Variants in ERC2 observed in about 807,000 individuals in gnomAD.
ERC2 encodes the protein ELKS/RAB6-interacting/CAST family member 2.
ERC2 carries 42 observed loss-of-function variants against 114.8 expected under a neutral mutation model. The observed-to-expected ratio is 0.37, with a 90% CI of 0.29 to 0.47. The LOEUF (loss-of-function observed/expected upper bound fraction) is 0.47. Ranked by LOEUF, ERC2 falls within the 20% of genes least tolerant of loss-of-function variation. The probability of loss-of-function intolerance (pLI) is 0.99; values close to 1 mark genes in which losing one functional copy is unlikely to be tolerated. For missense variants in ERC2, 939 were observed against 1,150.7 expected (o/e 0.82, Z 2.66); for synonymous variants, 454 against 425.5 (o/e 1.07, Z -0.82).
At chr3:55,535,914 G>A (rs188699918) in intron 17 of ERC2, among the ~76,000 whole-genome samples, 1 of 152,094 alleles carries the variant, frequency 6.6e-6, no homozygotes, top group Non-Finnish European at 1.5e-5. Context: ...AGGGAGAATT[G>A]CTTGAACCTG....
intron 14 of ERC2, among the ~76,000 whole-genome samples, chr3:55,747,207 A>C (rs1397954147): frequency 1.3e-5 from 2 of 152,196 alleles, no homozygotes; most frequent in Non-Finnish European, 2.9e-5. Context: ...TCTTTGACTA[A>C]AGTCTAGTTT....
Position 56,340,533 on chromosome 3 carries a change from A to T in ERC2, c.658-44098T>A, listed in dbSNP as rs1262398219. 4.6e-3 allele frequency among the ~76,000 whole-genome samples: 541 copies of T among 117,950 alleles called. 5 individuals are homozygous for T. The highest frequency in any genetic ancestry group is 0.016 in the African/African-American group (510 of 32,280). The allele number at this position is 117,950 out of a possible 152,430, so 77.4% of individuals were successfully genotyped here. ...GTGTGTTTGTGTGTGAGAGAGAGAG[A>T]GAGAGTGAATGTGTGTGTGTGTGTG... On this transcript the variant is annotated intron_variant, in intron 2 of 17. Coordinates refer to ENST00000288221, the MANE Select transcript of ERC2 (RefSeq NM_015576.3).
chr3:56,177,414 G>A (rs748900767), intron 3 of ERC2, among the ~76,000 whole-genome samples: 3 of 152,140 alleles, frequency 2.0e-5, no homozygotes, highest in Non-Finnish European at 4.4e-5. Context: ...TCTCATATAG[G>A]TATGACTGAG....
At chr3:55,694,592 T>C (rs1021255927) in intron 16 of ERC2, among the ~76,000 whole-genome samples, 2 of 152,210 alleles carry the variant, frequency 1.3e-5, no homozygotes, top group African/African-American at 4.8e-5. Context: ...CCAACACCTA[T>C]GAGCGAGTAT....
rs149624196 is a variant in ERC2 at position 56,140,208 on chromosome 3, A to G, written c.1306-532T>C. 2.7e-3 allele frequency among the ~76,000 whole-genome samples: 414 copies of G among 152,286 alleles called. 5 individuals carry two copies. Among genetic ancestry groups the G allele is most frequent in the African/African-American group, 9.6e-3 (400 of 41,564 alleles). On this transcript the variant is annotated intron_variant, in intron 5 of 17. Transcript: ENST00000288221. ...AAATATACGTGAGGTATGAGGAAAAATGACCCAAAAAATCCATAATTCAAT... is the reference window on the plus strand; with the variant it reads ...AAATATACGTGAGGTATGAGGAAAAGTGACCCAAAAAATCCATAATTCAAT...
chr3:55,537,774 A>G (rs2054095254), intron 17 of ERC2, among the ~76,000 whole-genome samples: 1 of 150,208 alleles, frequency 6.7e-6, no homozygotes, highest in Admixed American at 6.6e-5. Context: ...CATGGAGGAC[A>G]CAGGTCATGA....
intron 4 of ERC2, among the ~76,000 whole-genome samples, chr3:56,165,149 AC>A (rs1024400993): frequency 6.6e-6 from 1 of 150,820 alleles, no homozygotes; most frequent in Non-Finnish European, 1.5e-5. Context: ...GGCCCTCCCA[AC>A]CTTCACTTTT....
intron 17 of ERC2, among the ~76,000 whole-genome samples, chr3:55,593,819 C>G (rs1001623849): frequency 2.0e-5 from 3 of 152,186 alleles, no homozygotes; most frequent in Non-Finnish European, 2.9e-5. Flanking sequence ...CCATTCTCCC[C>G]TGTCTAAAAA....
At chr3:55,622,158 C>A (rs1244098744) in intron 17 of ERC2, among the ~76,000 whole-genome samples, 1 of 152,208 alleles carries the variant, frequency 6.6e-6, no homozygotes, top group African/African-American at 2.4e-5. Flanking sequence ...GCCACACTTC[C>A]CTTGGTAAAG....
intron 2 of ERC2, among the ~76,000 whole-genome samples, chr3:56,319,734 G>A (rs139902768): frequency 6.6e-6 from 1 of 152,136 alleles, no homozygotes; most frequent in African/African-American, 2.4e-5. Flanking sequence ...TACTCAAGAG[G>A]CCCAGGAAAG....
chr3:56,090,643 T>C (rs2077735583), intron 6 of ERC2, among the ~76,000 whole-genome samples: 1 of 151,928 alleles, frequency 6.6e-6, no homozygotes, highest in African/African-American at 2.4e-5. Flanking sequence ...ATATTATGAA[T>C]ACATGATATA....
At chr3:55,846,629 TCC>T (rs1473380405) in intron 14 of ERC2, among the ~76,000 whole-genome samples, 1 of 151,964 alleles carries the variant, frequency 6.6e-6, no homozygotes, top group African/African-American at 2.4e-5. Flanking sequence ...GTATAAGTGT[TCC>T]CCTTTCTCTG....
chr3:55,537,297 T>C (rs1321014931), intron 17 of ERC2, among the ~76,000 whole-genome samples: 1 of 152,222 alleles, frequency 6.6e-6, no homozygotes, highest in Non-Finnish European at 1.5e-5. Flanking sequence ...CAGGATAGGT[T>C]TGGAGCATAG....
intron 3 of ERC2, among the ~76,000 whole-genome samples, chr3:56,239,507 AAAAAT>A (rs1173768994): frequency 2.0e-5 from 3 of 152,188 alleles, no homozygotes; most frequent in Non-Finnish European, 4.4e-5. Flanking sequence ...CTCTGTCTGA[AAAAAT>A]AAAATAAAAT....
intron 15 of ERC2, among the ~76,000 whole-genome samples, chr3:55,709,030 C>T (rs1179376): frequency 0.59 from 90,057 of 152,028 alleles, 27,040 homozygotes; most frequent in South Asian, 0.73. Flanking sequence ...CATTCATAAT[C>T]CAACAAATAT....
chr3:55,822,385 C>G (rs1301295478), intron 14 of ERC2, among the ~76,000 whole-genome samples: 1 of 152,056 alleles, frequency 6.6e-6, no homozygotes, highest in Non-Finnish European at 1.5e-5. Context: ...CAAGTTAGTC[C>G]TTTAGGGCTA....
chr3:56,452,782 C>G (rs1445176910), intron 1 of ERC2, among the ~76,000 whole-genome samples: 2 of 152,118 alleles, frequency 1.3e-5, no homozygotes, highest in Non-Finnish European at 2.9e-5. Flanking sequence ...ATCTGAGTAA[C>G]AATGGCCTCA....
At chr3:55,739,259 C>T (rs1403098063) in intron 14 of ERC2, among the ~76,000 whole-genome samples, 1 of 152,104 alleles carries the variant, frequency 6.6e-6, no homozygotes, top group Non-Finnish European at 1.5e-5. Context: ...ATTTATAATC[C>T]TTTGGGTATA....
intron 13 of ERC2, among the ~76,000 whole-genome samples, chr3:55,938,347 C>T (rs1362477456): frequency 6.7e-6 from 1 of 149,914 alleles, no homozygotes; most frequent in Admixed American, 6.6e-5. Context: ...GACTTCATAG[C>T]TAACTATGAT....
Sources: allele counts gnomAD v4.1 joint callset (sites outside exome capture counted in the v4.1 genomes callset), GRCh38; gene constraint gnomAD v4.1.1; transcripts MANE v1.5; gene names NCBI Gene and HGNC (gene_info 2026-07-23, HGNC 2026-07-21).